NDUFAF6: variants seen among roughly 807,000 people sequenced by gnomAD.
The protein encoded by NDUFAF6 is NADH:ubiquinone oxidoreductase complex assembly factor 6, also known as NADH dehydrogenase (ubiquinone) complex I, assembly factor 6.
NDUFAF6 carries 45 observed loss-of-function variants against 40.8 expected under a neutral mutation model. The ratio of observed to expected loss-of-function variants is 1.10; its 90% CI spans 0.87 to 1.42. The LOEUF (loss-of-function observed/expected upper bound fraction) is 1.42, where lower values mean the gene tolerates loss of function less well. Among genes scored for constraint, NDUFAF6 ranks in the 40% most tolerant of loss-of-function variants. The pLI, the probability that NDUFAF6 is intolerant of heterozygous loss-of-function variation, is 0.00. For synonymous variants in NDUFAF6, 185 were observed against 155.9 expected (o/e 1.19, Z -1.39); for missense variants, 435 against 418.5 (o/e 1.04, Z -0.34).
intron 1 of NDUFAF6, among the ~76,000 whole-genome samples, chr8:94,915,020 A>G (rs1324519836): frequency 6.6e-6 from 1 of 152,186 alleles, no homozygotes; most frequent in East Asian, 1.9e-4. Flanking sequence ...TCATCACCCA[A>G]ATAGTGAACA....
intron 2 of NDUFAF6, among the ~76,000 whole-genome samples, chr8:95,011,363 C>A (rs184394968): frequency 1.3e-5 from 2 of 152,324 alleles, no homozygotes; most frequent in Admixed American, 1.3e-4. Flanking sequence ...CAAAATAATT[C>A]TTCTTTCCTA....
rs549687775 is a variant in NDUFAF6 at position 94,916,816 on chromosome 8, C to CAAAAAA, written c.-936+20900_-936+20905dup. 5.2e-5 allele frequency among the ~76,000 whole-genome samples: 5 copies of CAAAAAA among 96,702 alleles called. No individual in the cohort carries two copies. The East Asian group carries it at 1.5e-3, about 30-fold the overall frequency. 63.4% of individuals were successfully genotyped at this position (96,702 alleles called of 152,430 possible). The stretch of plus-strand genomic sequence containing the variant: ...TGACAGACAGAGTGAGACTCCATAT[C>CAAAAAA]AAAAAAAAAAAAAAAAGGCCGGGCG... On this transcript the variant is annotated intron_variant, in intron 1 of 14. Coordinates refer to the NDUFAF6 transcript ENST00000396113.
At chr8:94,917,397 C>A (rs1158440095) in intron 1 of NDUFAF6, among the ~76,000 whole-genome samples, 1 of 152,152 alleles carries the variant, frequency 6.6e-6, no homozygotes, top group Non-Finnish European at 1.5e-5. Flanking sequence ...CAACTAGAAT[C>A]CACATTTCTC....
At chr8:94,895,838 T>C (rs1817493808) in exon 1 of NDUFAF6, 1 of 152,576 alleles carries the variant, frequency 6.6e-6, no homozygotes, top group African/African-American at 2.4e-5. Context: ...GGCTCTGCTC[T>C]CCCCAGTCCC....
intron 4 of NDUFAF6, among the ~76,000 whole-genome samples, chr8:95,045,202 ATAATGTCTAAAGTGCCTACG>A (rs893089467): frequency 1.3e-5 from 2 of 152,158 alleles, no homozygotes; most frequent in Non-Finnish European, 2.9e-5. Context: ...GGTTAAGAAG[ATAATGTCTAAAGTGCCTACG>A]TAATGTCTAA....
intron 1 of NDUFAF6, among the ~76,000 whole-genome samples, chr8:94,960,691 C>T (rs1823492118): frequency 6.6e-6 from 1 of 152,164 alleles, no homozygotes; most frequent in African/African-American, 2.4e-5. Context: ...TGTTTTGAGA[C>T]CATGTATGTT....
chr8:94,915,773 A>G (rs1819089365), intron 1 of NDUFAF6, among the ~76,000 whole-genome samples: 1 of 152,228 alleles, frequency 6.6e-6, no homozygotes, highest in Non-Finnish European at 1.5e-5. Flanking sequence ...CAGAACAGGT[A>G]CACAGATCAT....
intron 2 of NDUFAF6, among the ~76,000 whole-genome samples, chr8:95,085,067 G>C (rs951620044): frequency 1.3e-5 from 2 of 152,282 alleles, no homozygotes; most frequent in Non-Finnish European, 1.5e-5. Context: ...ACTGATGGCC[G>C]TTATTAATGG....
At chr8:95,101,286 A>C (rs1809637862) in intron 2 of NDUFAF6, 1 of 152,182 alleles carries the variant, frequency 6.6e-6, no homozygotes, top group South Asian at 2.1e-4. Context: ...GGGACCATCT[A>C]ATGGGATTTA....
upstream of NDUFAF6, among the ~76,000 whole-genome samples, chr8:95,099,118 T>A (rs1809571597): frequency 6.6e-6 from 1 of 152,030 alleles, no homozygotes; most frequent in South Asian, 2.1e-4. Context: ...CAGGTGCCTG[T>A]AGTCCCAGCT....
intron 2 of NDUFAF6, among the ~76,000 whole-genome samples, chr8:95,017,264 G>T (rs545594157): frequency 2.0e-5 from 3 of 152,028 alleles, no homozygotes; most frequent in African/African-American, 7.2e-5. Flanking sequence ...TTAATGAGCT[G>T]TAGGCACAAA....
Position 95,048,514 on chromosome 8 carries a change from G to A in NDUFAF6, c.772G>A (p.Val258Ile), listed in dbSNP as rs531605410. The change falls in exon 7 of 9, where the codon GTA becomes ATA. Residue 258 changes from valine to isoleucine, a missense_variant. Val to Ile is a conservative substitution (Grantham distance 29, BLOSUM62 3). Coordinates refer to ENST00000396124, the MANE Select transcript of NDUFAF6 (RefSeq NM_152416.4). ...GAACCAAGATAAAAATGTGAGAGAT[G>A]TAATATATGACATTGCCAGTCAAGC... ...RRNQDKNVRD[V>I]IYDIASQAHL... 3.1e-6 allele frequency: 5 copies of A among 1,614,048 alleles called. No individual in the cohort carries two copies. The African/African-American group carries it at 5.3e-5, about 17-fold the overall frequency.
intron 2 of NDUFAF6, among the ~76,000 whole-genome samples, chr8:94,985,948 A>G (rs1162736414): frequency 6.8e-6 from 1 of 147,516 alleles, no homozygotes; most frequent in Admixed American, 6.9e-5. Context: ...ATCTCGGCTC[A>G]CTGCAAGCTC....
chr8:94,996,892 G>T (rs986689152), intron 2 of NDUFAF6, among the ~76,000 whole-genome samples: 1 of 152,138 alleles, frequency 6.6e-6, no homozygotes, highest in Non-Finnish European at 1.5e-5. Flanking sequence ...CAAGGAGAGA[G>T]GCCTCAGAAG....
chr8:95,052,176 T>C lies in NDUFAF6; in HGVS notation c.819T>C (p.Ala273=). 6.2e-7 allele frequency: 1 copy of C among 1,614,146 alleles called. No homozygotes were observed. Among genetic ancestry groups the C allele is most frequent in the Non-Finnish European group, 8.5e-7 (1 of 1,179,998 alleles). ...ASQAHLHLKH[A]RSFHKTVPVK... The stretch of plus-strand genomic sequence containing the variant: ...CTTCCTCTCCTCTTCCTTTTTAGGC[T>C]AGGTCCTTTCACAAAACTGTTCCTG... Residue 273 remains alanine, a splice_region_variant and synonymous_variant, in exon 8 of 9, where the codon GCT becomes GCC. Transcript: ENST00000396124.
At chr8:95,041,006 G>C (rs1467218768) in intron 3 of NDUFAF6, 1 of 152,338 alleles carries the variant, frequency 6.6e-6, no homozygotes, top group Admixed American at 6.5e-5. Flanking sequence ...TGGAGTTTTA[G>C]TTACTCTATT....
intron 9 of NDUFAF6, among the ~76,000 whole-genome samples, chr8:95,074,085 G>A (rs577367023): frequency 2.1e-4 from 32 of 152,188 alleles, no homozygotes; most frequent in African/African-American, 7.7e-4. Flanking sequence ...AGTGGGTAAG[G>A]GTTGGGATGG....
At chr8:95,065,785 A>G (rs1271553686) in intron 9 of NDUFAF6, among the ~76,000 whole-genome samples, 1 of 152,210 alleles carries the variant, frequency 6.6e-6, no homozygotes, top group Non-Finnish European at 1.5e-5. Flanking sequence ...TGGGATTTAT[A>G]TACTTCTGTC....
intron 1 of NDUFAF6, among the ~76,000 whole-genome samples, chr8:94,938,845 G>A (rs1011795): frequency 0.62 from 94,599 of 152,114 alleles, 30,444 homozygotes; most frequent in East Asian, 0.79. Flanking sequence ...GGAAGGGGTC[G>A]TGGGAACACC....
Sources: gnomAD v4.1 joint callset for allele counts (sites outside exome capture counted in the v4.1 genomes callset) on GRCh38, gnomAD v4.1.1 for gene constraint, MANE v1.5 for transcripts, NCBI Gene and HGNC (gene_info 2026-07-23, HGNC 2026-07-21) for gene names.